CADPS: variants seen among roughly 807,000 people sequenced by gnomAD.
CADPS encodes the protein calcium dependent secretion activator.
In CADPS, 57 loss-of-function variants were observed where a neutral mutation model predicts 167.3. The ratio of observed to expected loss-of-function variants is 0.34; its 90% CI spans 0.28 to 0.42. The LOEUF is 0.42. CADPS is among the 20% of genes least tolerant of loss of function. CADPS has a pLI of 1.00. For missense variants in CADPS, 1,414 were observed against 1,738.1 expected (o/e 0.81, Z 3.32); for synonymous variants, 676 against 635.3 (o/e 1.06, Z -0.96).
intron 25 of CADPS, 57 bp downstream of exon 25, chr3:62,466,282 G>C: frequency 1.7e-6 from 2 of 1,177,140 alleles, no homozygotes; most frequent in Non-Finnish European, 2.5e-6. Flanking sequence ...TAATGGAAAT[G>C]GAGACATAAC....
chr3:62,816,683 A>C (rs955275075), intron 1 of CADPS, among the ~76,000 whole-genome samples: 1 of 151,862 alleles, frequency 6.6e-6, no homozygotes, highest in Non-Finnish European at 1.5e-5. Context: ...ACCTTAGTGC[A>C]GAACTGTAAG....
chr3:62,437,541 G>A (rs1030459756), intron 28 of CADPS, among the ~76,000 whole-genome samples: 4 of 151,966 alleles, frequency 2.6e-5, no homozygotes, highest in Admixed American at 6.6e-5. Context: ...GGTGGGCAGG[G>A]GGCGCCATGG....
intron 1 of CADPS, among the ~76,000 whole-genome samples, chr3:62,829,627 G>A (rs1258199951): frequency 6.6e-6 from 1 of 152,092 alleles, no homozygotes; most frequent in Non-Finnish European, 1.5e-5. Flanking sequence ...TAGTATCAAA[G>A]TGCAGCATTC....
intron 1 of CADPS, among the ~76,000 whole-genome samples, chr3:62,866,272 C>G (rs1008828995): frequency 6.6e-6 from 1 of 152,018 alleles, no homozygotes; most frequent in Non-Finnish European, 1.5e-5. Context: ...CTCTGAGAAG[C>G]TTTTATAAAA....
Position 62,497,593 on chromosome 3 carries a change from C to T in CADPS, c.2706+1569G>A, listed in dbSNP as rs140175401. Among the ~76,000 whole-genome samples the T allele has an allele frequency of 1.1e-3, 160 of 152,354 alleles. 2 individuals are homozygous for T. The highest frequency in any genetic ancestry group is 3.7e-3 in the African/African-American group (152 of 41,586). On this transcript the variant is annotated intron_variant, in intron 18 of 29. Coordinates refer to ENST00000383710, the MANE Select transcript of CADPS (RefSeq NM_003716.4). ...TTGGAGGTTATCGATTTGCTTTTCC[C>T]TATCACTCATGGCTGTGCGTTGCGG... is the stretch of plus-strand genomic sequence containing the variant.
Position 62,718,768 on chromosome 3 carries a change from C to A in CADPS, c.888+34673G>T, listed in dbSNP as rs908730878. Among the ~76,000 whole-genome samples the A allele has an allele frequency of 2.6e-5, 4 of 152,332 alleles. No homozygotes were observed. In the East Asian group the frequency reaches 5.8e-4, roughly 22 times the overall value. On this transcript the variant is annotated intron_variant, in intron 3 of 29. Transcript: ENST00000383710. ...AACATATTGTCAGCCGCATCAGGAGCATTTTGCTCTCTGCAGGCAGTGGCA... is the reference window on the plus strand; with the variant it reads ...AACATATTGTCAGCCGCATCAGGAGAATTTTGCTCTCTGCAGGCAGTGGCA...
chr3:62,792,471 T>C (rs944349988), intron 1 of CADPS, among the ~76,000 whole-genome samples: 11 of 152,088 alleles, frequency 7.2e-5, no homozygotes, highest in Non-Finnish European at 1.6e-4. Flanking sequence ...CCCACAGTGT[T>C]GGGATTACAG....
chr3:62,417,291 T>C lies in CADPS; in HGVS notation c.3778-14106A>G, dbSNP rs1391605429. On this transcript the variant is annotated intron_variant, in intron 28 of 29. Coordinates refer to ENST00000383710, the MANE Select transcript of CADPS (RefSeq NM_003716.4). ...TTCTTTTACTCTTTTTTTTTTTTTT[T>C]TTTTTTTTTTTTTGAGACTGTCTTG... 5.3e-5 allele frequency among the ~76,000 whole-genome samples: 7 copies of C among 131,930 alleles called. 1 individual carries two copies. The highest frequency in any genetic ancestry group is 8.6e-5 in the African/African-American group (3 of 34,864). The allele number at this position is 131,930 out of a possible 152,430, so 86.6% of individuals were successfully genotyped here.
intron 7 of CADPS, among the ~76,000 whole-genome samples, chr3:62,587,716 C>T (rs1484166495): frequency 1.3e-5 from 2 of 152,206 alleles, no homozygotes; most frequent in African/African-American, 4.8e-5. Flanking sequence ...GGTGTCCATT[C>T]GTGACGCAAT....
intron 6 of CADPS, among the ~76,000 whole-genome samples, chr3:62,645,243 T>A (rs2068291950): frequency 6.6e-6 from 1 of 151,082 alleles, no homozygotes; most frequent in African/African-American, 2.4e-5. Flanking sequence ...ACAAACTGGG[T>A]TCAGTATATA....
intron 1 of CADPS, among the ~76,000 whole-genome samples, chr3:62,837,560 C>T (rs1038341621): frequency 6.6e-6 from 1 of 152,258 alleles, no homozygotes; most frequent in South Asian, 2.1e-4. Flanking sequence ...AGTGTTCCTC[C>T]CTCCCCTCTT....
At chr3:62,726,950 A>G (rs892862227) in intron 3 of CADPS, among the ~76,000 whole-genome samples, 1 of 151,920 alleles carries the variant, frequency 6.6e-6, no homozygotes. Context: ...TTGCTTTAAG[A>G]TCACACGGGT....
intron 3 of CADPS, among the ~76,000 whole-genome samples, chr3:62,669,116 C>A (rs2075048370): frequency 6.6e-6 from 1 of 152,182 alleles, no homozygotes; most frequent in South Asian, 2.1e-4. Context: ...AGCTGCAGTG[C>A]AAGCCACCTG....
At chr3:62,453,568 T>A (rs1411247601) in intron 26 of CADPS, among the ~76,000 whole-genome samples, 1 of 152,080 alleles carries the variant, frequency 6.6e-6, no homozygotes, top group East Asian at 1.9e-4. Context: ...ATGAATAAAT[T>A]TTAAGTGCCA....
At chr3:62,472,372 C>T (rs2060730474) in intron 24 of CADPS, among the ~76,000 whole-genome samples, 1 of 152,150 alleles carries the variant, frequency 6.6e-6, no homozygotes, top group Non-Finnish European at 1.5e-5. Context: ...ATTTTAAAAA[C>T]AGTAGCTCCA....
At chr3:62,639,532 C>T (rs2066994321) in intron 6 of CADPS, among the ~76,000 whole-genome samples, 1 of 152,160 alleles carries the variant, frequency 6.6e-6, no homozygotes, top group African/African-American at 2.4e-5. Flanking sequence ...GGGTGCACAA[C>T]TTCAAAGGTC....
intron 1 of CADPS, among the ~76,000 whole-genome samples, chr3:62,774,340 G>A (rs968508358): frequency 1.3e-5 from 2 of 151,320 alleles, no homozygotes; most frequent in African/African-American, 4.9e-5. Flanking sequence ...AAAAAAAAAC[G>A]TACTTTTCCA....
intron 10 of CADPS, among the ~76,000 whole-genome samples, chr3:62,552,225 T>C (rs1425111187): frequency 9.9e-6 from 1 of 101,180 alleles, no homozygotes; most frequent in African/African-American, 4.0e-5. Context: ...CCGGGACCTG[T>C]TGTGGGGTGG....
chr3:62,662,725 A>T (rs557493734), intron 3 of CADPS, among the ~76,000 whole-genome samples: 1 of 152,310 alleles, frequency 6.6e-6, no homozygotes, highest in East Asian at 1.9e-4. Flanking sequence ...TACACGGCAG[A>T]TGTACAAGGA....
Sources: gnomAD v4.1 joint callset for allele counts (sites outside exome capture counted in the v4.1 genomes callset) on GRCh38, gnomAD v4.1.1 for gene constraint, MANE v1.5 for transcripts, NCBI Gene and HGNC (gene_info 2026-07-23, HGNC 2026-07-21) for gene names.